Variants in CHST8 observed in about 807,000 individuals in gnomAD.
The protein encoded by CHST8 is carbohydrate sulfotransferase 8.
A neutral mutation model predicts 15.0 loss-of-function variants in CHST8; 10 were observed. The observed-to-expected ratio is 0.67, with a 90% confidence interval of 0.41 to 1.13. The LOEUF (loss-of-function observed/expected upper bound fraction) is 1.13. CHST8 is among the 50% of genes most tolerant of loss of function. The pLI is 0.00. For synonymous variants in CHST8, 259 were observed against 256.6 expected (o/e 1.01, Z -0.09); for missense variants, 634 against 608.2 (o/e 1.04, Z -0.45).
chr19:33,675,898 T>C (rs1451081685), intron 2 of CHST8, among the ~76,000 whole-genome samples: 1 of 152,234 alleles, frequency 6.6e-6, no homozygotes. Context: ...GTCACGTGCC[T>C]TTCCCTAATC....
chr19:33,663,540 G>A (rs538206489), intron 1 of CHST8, among the ~76,000 whole-genome samples: 1 of 152,274 alleles, frequency 6.6e-6, no homozygotes, highest in African/African-American at 2.4e-5. Context: ...CTCCGGCCTG[G>A]GGGACCTAGT....
chr19:33,666,303 G>A (rs1203249196), intron 1 of CHST8, among the ~76,000 whole-genome samples: 1 of 152,220 alleles, frequency 6.6e-6, no homozygotes, highest in Non-Finnish European at 1.5e-5. Context: ...GTGTGTGTGT[G>A]TGGACCCTGC....
At chr19:33,740,275 G>A (rs535940938) in intron 3 of CHST8, among the ~76,000 whole-genome samples, 70 of 152,240 alleles carry the variant, frequency 4.6e-4, no homozygotes, top group Non-Finnish European at 1.2e-4. Flanking sequence ...AGGGTGAGAG[G>A]GCTCTTCAGT....
At chr19:33,662,568 T>G (rs1301566577) in intron 1 of CHST8, among the ~76,000 whole-genome samples, 1 of 151,890 alleles carries the variant, frequency 6.6e-6, no homozygotes, top group Non-Finnish European at 1.5e-5. Context: ...GGGAATGCTG[T>G]GAGGGGGTGC....
At chr19:33,700,688 C>T (rs284333) in intron 3 of CHST8, among the ~76,000 whole-genome samples, 43,466 of 152,084 alleles carry the variant, frequency 0.29, 8,016 homozygotes, top group African/African-American at 0.53. Context: ...GGGGGTTCCT[C>T]CTAGGCCAGG....
At chr19:33,663,903 G>A (rs116165533) in intron 1 of CHST8, among the ~76,000 whole-genome samples, 1,548 of 152,142 alleles carry the variant, frequency 0.01, 19 homozygotes, top group African/African-American at 0.034. Flanking sequence ...TAAAAAGCAT[G>A]AGGTAGGTCC....
chr19:33,753,203 C>A (rs1012432018), intron 3 of CHST8, among the ~76,000 whole-genome samples: 2 of 151,962 alleles, frequency 1.3e-5, no homozygotes, highest in African/African-American at 4.8e-5. Flanking sequence ...GGGGGAGCGG[C>A]CAGGAGCCTG....
chr19:33,715,587 G>A (rs1973650795), intron 3 of CHST8, among the ~76,000 whole-genome samples: 1 of 152,350 alleles, frequency 6.6e-6, no homozygotes, highest in East Asian at 1.9e-4. Flanking sequence ...ATCAGTGTCT[G>A]CTCAGGCAGG....
intron 1 of CHST8, among the ~76,000 whole-genome samples, chr19:33,660,155 T>A (rs1439048866): frequency 6.6e-6 from 1 of 152,188 alleles, no homozygotes; most frequent in Non-Finnish European, 1.5e-5. Flanking sequence ...TTTATATCTT[T>A]TTGCTCTTTT....
chr19:33,649,138 A>G (rs1233600952), intron 1 of CHST8, among the ~76,000 whole-genome samples: 2 of 151,930 alleles, frequency 1.3e-5, no homozygotes, highest in Non-Finnish European at 2.9e-5. Context: ...TTCTGAGCTC[A>G]ATTGATCTGC....
Position 33,773,329 on chromosome 19 carries a change from A to G in CHST8, c.*266A>G. ...GGCAGACACCCCTGGAGCTCAGCCGACAGTTTTGATGAGCAGGGAAGTCTG... is the reference window on the plus strand; with the variant it reads ...GGCAGACACCCCTGGAGCTCAGCCGGCAGTTTTGATGAGCAGGGAAGTCTG... On this transcript the variant is annotated 3_prime_UTR_variant, in exon 5 of 5. Transcript: ENST00000650847. 2.0e-6 allele frequency: 1 copy of G among 502,482 alleles called. No individual in the cohort carries two copies. Among genetic ancestry groups the G allele is most frequent in the Non-Finnish European group, 3.5e-6 (1 of 285,250 alleles). 31.1% of individuals were successfully genotyped at this position (502,482 alleles called of 1,614,324 possible).
At chr19:33,739,262 C>A (rs1386731384) in intron 3 of CHST8, among the ~76,000 whole-genome samples, 2 of 152,138 alleles carry the variant, frequency 1.3e-5, no homozygotes, top group African/African-American at 2.4e-5. Context: ...TGACCTCTCT[C>A]CCCCCTCCTC....
intron 1 of CHST8, among the ~76,000 whole-genome samples, chr19:33,648,374 A>G (rs1972381880): frequency 7.1e-6 from 1 of 140,122 alleles, no homozygotes; most frequent in Non-Finnish European, 1.6e-5. Flanking sequence ...ACCCTGTGCT[A>G]TTCACAGTCA....
chr19:33,731,007 G>C (rs532906599), intron 3 of CHST8, among the ~76,000 whole-genome samples: 1 of 152,218 alleles, frequency 6.6e-6, no homozygotes, highest in African/African-American at 2.4e-5. Context: ...TATTCTAGCC[G>C]TGCTTGCAAC....
At chr19:33,689,126 GC>G in intron 2 of CHST8, 49 bp from the exon 3 acceptor site, 1 of 1,073,504 alleles carries the variant, frequency 9.3e-7, no homozygotes, top group South Asian at 2.0e-5. Flanking sequence ...GCCTACACCT[GC>G]CCGGGTGCCT....
intron 3 of CHST8, among the ~76,000 whole-genome samples, chr19:33,734,737 C>A (rs1322832966): frequency 1.3e-5 from 2 of 152,120 alleles, no homozygotes; most frequent in Non-Finnish European, 2.9e-5. Flanking sequence ...CCTTCCTGAT[C>A]CCAGAGCTGC....
At chr19:33,644,099 A>G (rs1384660299) in intron 1 of CHST8, among the ~76,000 whole-genome samples, 4 of 151,916 alleles carry the variant, frequency 2.6e-5, no homozygotes, top group Admixed American at 6.6e-5. Context: ...CACCTGGCTA[A>G]TTTTTGCATT....
intron 3 of CHST8, 92 bp from the exon 4 acceptor site, chr19:33,771,321 C>CT (rs1974978297): frequency 7.8e-7 from 1 of 1,286,784 alleles, no homozygotes; most frequent in African/African-American, 1.5e-5. Flanking sequence ...TCCCTCCAGC[C>CT]TGGATGTCCA....
chr19:33,659,502 C>G (rs1444272897), intron 1 of CHST8, among the ~76,000 whole-genome samples: 1 of 152,190 alleles, frequency 6.6e-6, no homozygotes, highest in Non-Finnish European at 1.5e-5. Flanking sequence ...CTGTTGAATC[C>G]TTAATAATCT....
Sources: allele counts gnomAD v4.1 joint callset (sites outside exome capture counted in the v4.1 genomes callset), GRCh38; gene constraint gnomAD v4.1.1; transcripts MANE v1.5; gene names NCBI Gene and HGNC (gene_info 2026-07-23, HGNC 2026-07-21).